Variants in TEX10 observed in about 807,000 individuals in gnomAD.
TEX10 encodes the protein testis expressed 10.
A neutral mutation model predicts 104.4 loss-of-function variants in TEX10; 24 were observed. The ratio of observed to expected loss-of-function variants is 0.23; its 90% confidence interval spans 0.17 to 0.32. The LOEUF is 0.32. TEX10 is among the 10% of genes least tolerant of loss of function. The pLI is 1.00. For synonymous variants in TEX10, 396 were observed against 393.4 expected (o/e 1.01, Z -0.08); for missense variants, 921 against 1,083.9 (o/e 0.85, Z 2.11).
In TEX10 at chr9:100,308,669, C is replaced by T. The variant is rs771324835; in HGVS notation, c.2296G>A (p.Val766Ile). The T allele has an allele frequency of 1.1e-5, 17 of 1,603,588 alleles. No individual in the cohort carries two copies. The highest frequency in any genetic ancestry group is 4.0e-5 in the African/African-American group (3 of 74,274). ...CAGCCAGCCGTGCTGTCAGGAATTA[C>T]AGTCAACCCAACCTAAGCAGAGAAA... ...AISKHLVGLT[V>I]IPDSTAGCVF... Residue 766 changes from valine to isoleucine, a missense_variant, in exon 13 of 15, where the codon GTA becomes ATA. Val to Ile is a conservative substitution (Grantham distance 29). Coordinates refer to ENST00000374902, the MANE Select transcript of TEX10 (RefSeq NM_017746.4).
intron 11 of TEX10, among the ~76,000 whole-genome samples, chr9:100,312,849 C>T (rs1834313657): frequency 6.6e-6 from 1 of 152,090 alleles, no homozygotes; most frequent in Non-Finnish European, 1.5e-5. Context: ...AACACAGTAC[C>T]AGGCACTATG....
intron 11 of TEX10, among the ~76,000 whole-genome samples, chr9:100,316,429 A>G (rs1834419261): frequency 6.6e-6 from 1 of 152,218 alleles, no homozygotes; most frequent in African/African-American, 2.4e-5. Flanking sequence ...ATCACACTGA[A>G]TGAAGAAAAG....
intron 13 of TEX10, chr9:100,305,277 C>T (rs924006138): frequency 6.6e-6 from 1 of 152,186 alleles, no homozygotes; most frequent in Non-Finnish European, 1.5e-5. Flanking sequence ...GGGAGCAGCC[C>T]CTTCACTATA....
intron 12 of TEX10, 115 bp downstream of exon 12, chr9:100,310,184 A>G (rs1437019098): frequency 2.6e-6 from 2 of 778,812 alleles, no homozygotes; most frequent in African/African-American, 1.8e-5. Context: ...GCAAGAGACT[A>G]TGATATCATT....
intron 1 of TEX10, among the ~76,000 whole-genome samples, chr9:100,350,794 C>T (rs1835421129): frequency 6.6e-6 from 1 of 152,170 alleles, no homozygotes; most frequent in Non-Finnish European, 1.5e-5. Context: ...TCAGCTATGA[C>T]AATATATCCA....
In TEX10 at chr9:100,328,824, G is replaced by C. The variant is rs367709452; in HGVS notation, c.1625+316C>G. Among the ~76,000 whole-genome samples the C allele has an allele frequency of 7.9e-5, 12 of 152,138 alleles. No individual in the cohort carries two copies. In the East Asian group the frequency reaches 9.6e-4, roughly 12 times the overall value. Reference sequence around the variant, plus strand: ...TGCCTCAATATGTCACTAATGGCTAGAGATTCAACCTCCGTAATTTTTATG... The same window carrying C: ...TGCCTCAATATGTCACTAATGGCTACAGATTCAACCTCCGTAATTTTTATG... On this transcript the variant is annotated intron_variant, in intron 7 of 14. Coordinates refer to ENST00000374902, the MANE Select transcript of TEX10 (RefSeq NM_017746.4).
intron 4 of TEX10, among the ~76,000 whole-genome samples, chr9:100,343,092 G>A (rs867660070): frequency 1.3e-5 from 2 of 151,076 alleles, no homozygotes; most frequent in South Asian, 2.1e-4. Context: ...AGCCAGGATC[G>A]CGCCACTGCA....
rs762981691 is a variant in TEX10, at chr9:100,347,303, T to C, written c.284A>G (p.His95Arg). 1 of 1,614,168 alleles carries C rather than the reference T, an allele frequency of 6.2e-7. No homozygotes were observed. Among genetic ancestry groups the C allele is most frequent in the South Asian group, 1.1e-5 (1 of 91,078 alleles). ...CACTTCACTTAATATGTTTGAAAGG[T>C]GTGCATCAATTATAAATGGGTATTG... Reference protein sequence around the residue: ...LSQYPFIIDAHLSNILSEVTA... With the variant: ...LSQYPFIIDARLSNILSEVTA... Residue 95 changes from histidine (H) to arginine (R), a missense_variant, in exon 3 of 15, where the codon CAC becomes CGC. Coordinates refer to ENST00000374902, the MANE Select transcript of TEX10 (RefSeq NM_017746.4).
At chr9:100,350,972 T>C (rs1207863498) in intron 1 of TEX10, among the ~76,000 whole-genome samples, 8 of 152,238 alleles carry the variant, frequency 5.3e-5, no homozygotes, top group African/African-American at 1.7e-4. Flanking sequence ...TCATACACAA[T>C]TGTAAAACAC....
rs575131903 is a variant in TEX10 at position 100,318,935 on chromosome 9, T to A, written c.2202+1330A>T. Among the ~76,000 whole-genome samples, 570 of 152,250 alleles carry A rather than the reference T, an allele frequency of 3.7e-3. 4 individuals carry two copies. Among genetic ancestry groups the A allele is most frequent in the Non-Finnish European group, 4.0e-3 (275 of 68,010 alleles). ...GGCTGGGAGCAGTGGCTCACACCTG[T>A]AATCTCAGCACTTTGGGAAGCCAAG... On this transcript the variant is annotated intron_variant, in intron 11 of 14. Coordinates refer to ENST00000374902, the MANE Select transcript of TEX10 (RefSeq NM_017746.4).
chr9:100,326,415 T>C lies in TEX10; in HGVS notation c.1866A>G (p.Val622=), dbSNP rs139984485. 248 of 1,613,706 alleles carry C rather than the reference T, an allele frequency of 1.5e-4. No homozygotes were observed. Among genetic ancestry groups the C allele is most frequent in the Non-Finnish European group, 1.9e-4 (222 of 1,179,966 alleles). The change falls in exon 9 of 15, where the codon GTA becomes GTG. Residue 622 remains valine (V), a synonymous_variant. Transcript: ENST00000374902. ...ADSQQRLVQL[V]YFLPSLPADL... Reference sequence around the variant, plus strand: ...CAGCCGGCAGACTGGGTAGGAAATATACAAGCTGAACCAAACGCTGCTGAG... The same window carrying C: ...CAGCCGGCAGACTGGGTAGGAAATACACAAGCTGAACCAAACGCTGCTGAG...
Position 100,327,849 on chromosome 9 carries a change from G to A in TEX10, c.1739C>T (p.Ala580Val). 6.2e-7 allele frequency: 1 copy of A among 1,604,946 alleles called. No individual in the cohort carries two copies. The highest frequency in any genetic ancestry group is 8.5e-7 in the Non-Finnish European group (1 of 1,173,720). The part of the protein sequence containing the change: ...STQLIDIIHT[A>V]AARANKELLK... ...TAATTCTTTATTTGCTCGTGCTGCA[G>A]CGGTATGAATGATATCGATAAGCTG... is the stretch of plus-strand genomic sequence containing the variant. The change falls in exon 8 of 15, where the codon GCT (alanine) becomes GTT (valine). Residue 580 changes from alanine (A) to valine (V), a missense_variant. Ala to Val is a moderately conservative substitution (Grantham distance 64, BLOSUM62 0). Around this residue, in one of 3 missense-constraint regions of TEX10, gnomAD observed 753 missense variants for 868.4 expected, o/e 0.87. Transcript: ENST00000374902.
rs1281987821 is a variant in TEX10 at position 100,303,638 on chromosome 9, A to G, written c.2670T>C (p.Asn890=). 1.2e-6 allele frequency: 2 copies of G among 1,613,724 alleles called. No homozygotes were observed. The highest frequency in any genetic ancestry group is 2.7e-5 in the African/African-American group (2 of 74,774). The change falls in exon 14 of 15, where the codon AAT becomes AAC. Residue 890 remains asparagine (N), a synonymous_variant. Transcript: ENST00000374902. ...CCGGTACCATGCTTCTTACCGTGAT[A>G]TTCTTGATGATCTGCTGCACCAAGA... The part of the protein sequence containing the change: ...NAILVQQIIK[N]ITTLKSGSVQ...
chr9:100,321,550 A>G (rs1834573327), intron 10 of TEX10, 133 bp downstream of exon 10: 2 of 687,442 alleles, frequency 2.9e-6, no homozygotes, highest in East Asian at 2.7e-5. Context: ...TACTAATCAC[A>G]AAAATCACTC....
At chr9:100,311,550 C>CT (rs1256279252) in intron 11 of TEX10, among the ~76,000 whole-genome samples, 8 of 152,074 alleles carry the variant, frequency 5.3e-5, no homozygotes, top group South Asian at 4.2e-4. Flanking sequence ...CTAACAAAAG[C>CT]TTTTTTTTGC....
At chr9:100,320,647 C>T (rs1038725237) in intron 10 of TEX10, among the ~76,000 whole-genome samples, 10 of 152,104 alleles carry the variant, frequency 6.6e-5, no homozygotes, top group Non-Finnish European at 1.5e-4. Flanking sequence ...ACAGGTTTTA[C>T]CACTTCTACT....
chr9:100,334,261 GA>G lies in TEX10; in HGVS notation c.1251-4093del, dbSNP rs199704901. On this transcript the variant is annotated intron_variant, in intron 5 of 14. Transcript: ENST00000374902. ...AAGACAAGAAGAAAAACTTTAGGGG[GA>G]AAAAAAAAACACAGATAACTCTTAA... Among the ~76,000 whole-genome samples, 302 of 146,312 alleles carry G rather than the reference GA, an allele frequency of 2.1e-3. 2 individuals carry two copies. The highest frequency in any genetic ancestry group is 4.1e-3 in the South Asian group (19 of 4,598).
intron 14 of TEX10, 150 bp downstream of exon 14, chr9:100,303,482 G>A: frequency 1.3e-6 from 1 of 784,888 alleles, no homozygotes; most frequent in Non-Finnish European, 2.1e-6. Context: ...GACAGCACGG[G>A]AGACCCTGAG....
chr9:100,307,899 A>G (rs977019620), intron 13 of TEX10: 1 of 152,200 alleles, frequency 6.6e-6, no homozygotes, highest in Non-Finnish European at 1.5e-5. Flanking sequence ...GTGACAGAAT[A>G]TTTGCCAACC....
Sources: gnomAD v4.1 joint callset for allele counts (sites outside exome capture counted in the v4.1 genomes callset) on GRCh38, gnomAD v4.1.1 for gene constraint, gnomAD v4.1.1 regional missense constraint, MANE v1.5 for transcripts, NCBI Gene and HGNC (gene_info 2026-07-23, HGNC 2026-07-21) for gene names.